The following SPAG16 variants were observed in gnomAD, a reference collection of about 807,000 sequenced individuals.
SPAG16 encodes sperm associated antigen 16, also known as sperm-associated antigen 16 protein.
Under a neutral mutation model 80.4 loss-of-function variants are expected in SPAG16, and 86 were observed. The observed-to-expected ratio is 1.07, with a 90% confidence interval of 0.90 to 1.28. The LOEUF (loss-of-function observed/expected upper bound fraction) is 1.28, where lower values mean the gene tolerates loss of function less well. Ranked by LOEUF, SPAG16 falls within the 50% of genes most tolerant of loss-of-function variation. The pLI, the probability that SPAG16 is intolerant of heterozygous loss-of-function variation, is 0.00. For missense variants in SPAG16, 870 were observed against 765.3 expected (o/e 1.14, Z -1.61); for synonymous variants, 294 against 265.9 (o/e 1.11, Z -1.03).
intron 15 of SPAG16, among the ~76,000 whole-genome samples, chr2:214,250,747 T>TAGAG (rs1175910690): frequency 1.7e-3 from 154 of 90,446 alleles, no homozygotes; most frequent in Non-Finnish European, 3.2e-3. Flanking sequence ...TATATATATA[T>TAGAG]ATATATATAT....
At chr2:213,617,577 G>A (rs2061640861) in intron 10 of SPAG16, among the ~76,000 whole-genome samples, 2 of 152,160 alleles carry the variant, frequency 1.3e-5, no homozygotes, top group East Asian at 1.9e-4. Flanking sequence ...CCTGACCTCA[G>A]GCAATCTGCC....
At position 213,731,488 on chromosome 2, in the gene SPAG16, T is replaced by C. The variant is rs1258983249; in HGVS notation, c.1071-130997T>C. Among the ~76,000 whole-genome samples, 5 of 150,876 alleles carry C rather than the reference T, an allele frequency of 3.3e-5. No individual in the cohort carries two copies. In the East Asian group the frequency reaches 7.8e-4, roughly 23 times the overall value. On this transcript the variant is annotated intron_variant, in intron 10 of 15. Transcript: ENST00000331683. Reference sequence around the variant, plus strand: ...TTTTTTTTTTTTTTTCTTTTCCAACTTTTAAGTTCAGGGGTACATGTGCAG... The same window carrying C: ...TTTTTTTTTTTTTTTCTTTTCCAACCTTTAAGTTCAGGGGTACATGTGCAG...
At chr2:213,441,665 C>T (rs1406031659) in intron 9 of SPAG16, among the ~76,000 whole-genome samples, 1 of 152,090 alleles carries the variant, frequency 6.6e-6, no homozygotes, top group African/African-American at 2.4e-5. Context: ...ATTTACAAAG[C>T]AAAAGACATT....
chr2:214,361,936 G>A (rs551418439), intron 15 of SPAG16, among the ~76,000 whole-genome samples: 1 of 151,998 alleles, frequency 6.6e-6, no homozygotes, highest in East Asian at 1.9e-4. Flanking sequence ...TAGGGTGAAT[G>A]TTTATCAGGC....
chr2:213,825,574 C>T (rs1229738062), intron 10 of SPAG16, among the ~76,000 whole-genome samples: 1 of 151,888 alleles, frequency 6.6e-6, no homozygotes, highest in Non-Finnish European at 1.5e-5. Context: ...GGGATAAATC[C>T]CACTTGGTCA....
At chr2:214,177,230 C>T (rs947093024) in intron 15 of SPAG16, among the ~76,000 whole-genome samples, 2 of 151,088 alleles carry the variant, frequency 1.3e-5, no homozygotes, top group African/African-American at 4.8e-5. Flanking sequence ...CATACCATTG[C>T]CTAAGCTCAA....
At chr2:213,430,621 A>G (rs968661166) in intron 9 of SPAG16, among the ~76,000 whole-genome samples, 1 of 152,324 alleles carries the variant, frequency 6.6e-6, no homozygotes. Flanking sequence ...GGTATTCACA[A>G]GAGAGAAGAA....
chr2:214,155,763 C>T (rs1020449977), intron 15 of SPAG16, among the ~76,000 whole-genome samples: 1 of 152,130 alleles, frequency 6.6e-6, no homozygotes, highest in Non-Finnish European at 1.5e-5. Context: ...TTGTCCTACA[C>T]TAAAGTCTTT....
At chr2:214,194,518 C>G (rs753202318) in intron 15 of SPAG16, among the ~76,000 whole-genome samples, 2 of 151,984 alleles carry the variant, frequency 1.3e-5, no homozygotes, top group Admixed American at 6.6e-5. Flanking sequence ...CAGCCCAGAG[C>G]AATAATTCTT....
intron 11 of SPAG16, among the ~76,000 whole-genome samples, chr2:213,869,499 A>G (rs1013970780): frequency 4.0e-5 from 6 of 151,608 alleles, no homozygotes; most frequent in Middle Eastern, 3.4e-3. Flanking sequence ...ACTTTTATTA[A>G]GACAATTTTG....
rs546933847 is a variant in SPAG16, at chr2:213,929,175, G to A, written c.1215-785G>A. ...ATTACAGGCGCACGCCACCATGCCC[G>A]GCTAGTTTTTGTATTTTTAGTAGAG... On this transcript the variant is annotated intron_variant, in intron 11 of 15. Transcript: ENST00000331683. Among the ~76,000 whole-genome samples the A allele has an allele frequency of 1.5e-3, 228 of 151,770 alleles. 1 individual carries two copies. Among genetic ancestry groups the A allele is most frequent in the African/African-American group, 5.2e-3 (217 of 41,374 alleles).
chr2:214,273,953 G>T (rs1692240487), intron 15 of SPAG16, among the ~76,000 whole-genome samples: 1 of 152,096 alleles, frequency 6.6e-6, no homozygotes, highest in Non-Finnish European at 1.5e-5. Context: ...CCATTTGTTT[G>T]TGTCCCCCTT....
intron 10 of SPAG16, among the ~76,000 whole-genome samples, chr2:213,597,958 A>C (rs2060938307): frequency 6.6e-6 from 1 of 152,146 alleles, no homozygotes; most frequent in Non-Finnish European, 1.5e-5. Context: ...GGCACATTTA[A>C]AAGTCTGAAA....
At chr2:213,757,449 G>C (rs961331858) in intron 10 of SPAG16, among the ~76,000 whole-genome samples, 1 of 151,986 alleles carries the variant, frequency 6.6e-6, no homozygotes, top group Admixed American at 6.6e-5. Context: ...GACTTCAAAG[G>C]ATATTACAAA....
chr2:214,009,785 A>G (rs141399789), intron 12 of SPAG16, among the ~76,000 whole-genome samples: 2 of 152,336 alleles, frequency 1.3e-5, no homozygotes, highest in Non-Finnish European at 2.9e-5. Context: ...AACAAATCTG[A>G]ATAGAAGTCA....
At chr2:213,475,370 T>G (rs1348895923) in intron 9 of SPAG16, among the ~76,000 whole-genome samples, 2 of 151,960 alleles carry the variant, frequency 1.3e-5, no homozygotes, top group Non-Finnish European at 2.9e-5. Context: ...GGGGGCAAAA[T>G]AATATAAGAA....
At chr2:213,387,429 C>CTTTTTTTTTTTTTTTTTTTTTTTTT (rs1491308938) in intron 9 of SPAG16, among the ~76,000 whole-genome samples, 4 of 71,760 alleles carry the variant, frequency 5.6e-5, no homozygotes, top group Non-Finnish European at 7.2e-5. Context: ...GAAATGCATG[C>CTTTTTTTTTTTTTTTTTTTTTTTTT]TCTTTTTTTT....
chr2:214,118,874 C>T (rs534322599), intron 14 of SPAG16, among the ~76,000 whole-genome samples: 3 of 149,796 alleles, frequency 2.0e-5, no homozygotes, highest in Non-Finnish European at 4.5e-5. Context: ...TTTTTGGAAC[C>T]AAAAGGCTGC....
chr2:213,458,338 C>T (rs2072157325), intron 9 of SPAG16, among the ~76,000 whole-genome samples: 2 of 151,688 alleles, frequency 1.3e-5, no homozygotes, highest in Admixed American at 6.6e-5. Flanking sequence ...TAGGTCGAGG[C>T]AGGCAGATCA....
Sources: gnomAD v4.1 joint callset for allele counts (sites outside exome capture counted in the v4.1 genomes callset) on GRCh38, gnomAD v4.1.1 for gene constraint, MANE v1.5 for transcripts, NCBI Gene and HGNC (gene_info 2026-07-23, HGNC 2026-07-21) for gene names.